The following GRB10 variants were observed in gnomAD, a reference collection of about 807,000 sequenced individuals.
The protein encoded by GRB10 is growth factor receptor-bound protein 10.
GRB10 carries 20 observed loss-of-function variants against 80.9 expected under a neutral mutation model. The ratio of observed to expected loss-of-function variants is 0.25; its 90% CI spans 0.17 to 0.36. GRB10 has a LOEUF of 0.36. GRB10 is among the 10% of genes least tolerant of loss of function. The pLI is 1.00. For missense variants in GRB10, 548 were observed against 747.7 expected, an observed-to-expected ratio of 0.73 and a Z score of 3.12; for synonymous variants, 291 against 291.5, an observed-to-expected ratio of 1.00 and a Z score of 0.02.
chr7:50,608,248 AG>A (rs1563140105), intron 13 of GRB10, among the ~76,000 whole-genome samples: 1 of 152,248 alleles, frequency 6.6e-6, no homozygotes, highest in Non-Finnish European at 1.5e-5. Flanking sequence ...TTATTTTCAC[AG>A]AAGCAATGGG....
At chr7:50,735,773 G>A (rs941511024) in intron 3 of GRB10, among the ~76,000 whole-genome samples, 3 of 152,014 alleles carry the variant, frequency 2.0e-5, no homozygotes, top group African/African-American at 7.2e-5. Flanking sequence ...ATACAAACAT[G>A]AAATTTGGTT....
intron 4 of GRB10, among the ~76,000 whole-genome samples, chr7:50,725,614 C>T (rs1205740283): frequency 2.6e-5 from 4 of 152,126 alleles, no homozygotes; most frequent in Admixed American, 2.0e-4. Context: ...AGCTTCTGGG[C>T]AGATAGATGG....
At chr7:50,754,318 G>C (rs1234787489) in intron 3 of GRB10, among the ~76,000 whole-genome samples, 1 of 152,236 alleles carries the variant, frequency 6.6e-6, no homozygotes, top group East Asian at 1.9e-4. Context: ...CTGAGATAGG[G>C]AGGTCTGCTA....
intron 2 of GRB10, among the ~76,000 whole-genome samples, chr7:50,771,639 G>A (rs994925987): frequency 6.6e-6 from 1 of 152,118 alleles, no homozygotes; most frequent in Non-Finnish European, 1.5e-5. Context: ...CCCAAGATTC[G>A]TGCTACTCTC....
In GRB10 at chr7:50,593,110, C is replaced by G; in HGVS notation, c.1639-12G>C. On this transcript the variant is annotated splice_polypyrimidine_tract_variant and intron_variant, in intron 18 of 18. Transcript: ENST00000401949. ...CCGTCGTCCTCGCACTGGAGAGACA[C>G]AAGAACACTTGCCAGGTTAGAGGCT... 1 of 1,614,064 alleles carries G rather than the reference C, an allele frequency of 6.2e-7. No homozygotes were observed. The highest frequency in any genetic ancestry group is 8.5e-7 in the Non-Finnish European group (1 of 1,180,024).
chr7:50,674,873 A>C (rs549357002), intron 5 of GRB10, among the ~76,000 whole-genome samples: 1 of 152,352 alleles, frequency 6.6e-6, no homozygotes, highest in South Asian at 2.1e-4. Context: ...CAATTCAATC[A>C]TTAGAGCTGG....
At chr7:50,787,556 G>C (rs957409060), upstream of GRB10, among the ~76,000 whole-genome samples, 7 of 152,268 alleles carry the variant, frequency 4.6e-5, no homozygotes, top group African/African-American at 1.7e-4. Context: ...CAGGGGGACA[G>C]TGCCCTGGGC....
chr7:50,773,855 GTTTA>G (rs897875261), intron 2 of GRB10, among the ~76,000 whole-genome samples: 6 of 150,632 alleles, frequency 4.0e-5, no homozygotes, highest in South Asian at 4.1e-4. Flanking sequence ...TTATTTGTTT[GTTTA>G]TTTATTTATT....
chr7:50,760,191 CG>C (rs886555890), intron 2 of GRB10, among the ~76,000 whole-genome samples: 13 of 152,292 alleles, frequency 8.5e-5, no homozygotes, highest in Admixed American at 1.3e-4. Flanking sequence ...GCCAGCAGAG[CG>C]GTGAGAGGCA....
intron 3 of GRB10, among the ~76,000 whole-genome samples, chr7:50,734,108 G>A (rs2070374414): frequency 6.6e-6 from 1 of 151,920 alleles, no homozygotes; most frequent in African/African-American, 2.4e-5. Context: ...ATCGGTTTGG[G>A]TTCACTGGAC....
intron 4 of GRB10, among the ~76,000 whole-genome samples, chr7:50,715,156 G>A (rs936620518): frequency 1.3e-5 from 2 of 151,714 alleles, no homozygotes; most frequent in Non-Finnish European, 2.9e-5. Context: ...GCGGAATGAG[G>A]TAAGCTAGGT....
intron 3 of GRB10, among the ~76,000 whole-genome samples, chr7:50,736,661 T>C (rs2070845002): frequency 6.6e-6 from 1 of 152,100 alleles, no homozygotes; most frequent in African/African-American, 2.4e-5. Context: ...ACGTGCACTG[T>C]AGTCCCAGCT....
At chr7:50,625,159 T>C (rs562451132) in intron 8 of GRB10, among the ~76,000 whole-genome samples, 1 of 152,312 alleles carries the variant, frequency 6.6e-6, no homozygotes, top group South Asian at 2.1e-4. Context: ...ATGAAATAGA[T>C]AATTCAAAAT....
intron 3 of GRB10, among the ~76,000 whole-genome samples, chr7:50,742,250 AACACACGCGCACGCGCGCGCGCACACAC>A (rs1025493544): frequency 9.5e-5 from 6 of 62,994 alleles, no homozygotes; most frequent in Admixed American, 2.2e-4. Flanking sequence ...TCTATGTGTA[AACACACGCGCACGCGCGCGCGCACACAC>A]ACACACACAC....
intron 7 of GRB10, among the ~76,000 whole-genome samples, chr7:50,650,552 C>CTGTA (rs1379746131): frequency 1.3e-5 from 2 of 152,206 alleles, no homozygotes. Flanking sequence ...AAATCAATGA[C>CTGTA]TACAGACTCA....
intron 7 of GRB10, among the ~76,000 whole-genome samples, chr7:50,637,237 G>A (rs1427373454): frequency 6.6e-6 from 1 of 152,086 alleles, no homozygotes; most frequent in Non-Finnish European, 1.5e-5. Flanking sequence ...CAAAGGGCTG[G>A]GATTACAGGT....
chr7:50,700,962 G>C (rs1483402380), intron 5 of GRB10, among the ~76,000 whole-genome samples: 1 of 152,124 alleles, frequency 6.6e-6, no homozygotes, highest in Admixed American at 6.5e-5. Flanking sequence ...CTATTAACTT[G>C]AGTTTGTTAA....
At chr7:50,752,579 C>T (rs2074297053) in intron 3 of GRB10, among the ~76,000 whole-genome samples, 1 of 152,148 alleles carries the variant, frequency 6.6e-6, no homozygotes, top group African/African-American at 2.4e-5. Context: ...CTCTGTGTCG[C>T]TAAGGTAGAT....
rs1253322433 is a variant in GRB10, at chr7:50,604,641, G to A, written c.1390-264C>T. Among the ~76,000 whole-genome samples the A allele has an allele frequency of 7.9e-5, 12 of 152,294 alleles. No homozygotes were observed. In the South Asian group the frequency reaches 1.5e-3, roughly 18 times the overall value. ...CACACTGAAGACATACGATGAAAAC[G>A]CCATGAACATCCTGGTAAATCGCAG... On this transcript the variant is annotated intron_variant, in intron 15 of 18. Transcript: ENST00000401949.
Sources: allele counts gnomAD v4.1 joint callset (sites outside exome capture counted in the v4.1 genomes callset), GRCh38; gene constraint gnomAD v4.1.1; transcripts MANE v1.5; gene names NCBI Gene and HGNC (gene_info 2026-07-23, HGNC 2026-07-21).